Variants in ANK2 observed in about 807,000 individuals in gnomAD.
The protein encoded by ANK2 is ankyrin 2.
ANK2 carries 83 observed loss-of-function variants against 360.5 expected under a neutral mutation model. The observed-to-expected ratio is 0.23, with a 90% confidence interval of 0.19 to 0.28. The LOEUF is 0.28. ANK2 is among the 10% of genes least tolerant of loss of function. ANK2 has a pLI of 1.00. For synonymous variants in ANK2, 1,740 were observed against 1,759.5 expected (o/e 0.99, Z 0.28); for missense variants, 4,201 against 4,795.7 (o/e 0.88, Z 3.66).
chr4:112,754,111 G>GTATA, the ANK2 span, among the ~76,000 whole-genome samples: 1,138 of 111,324 alleles, frequency 0.01, 9 homozygotes, highest in South Asian at 0.017. Context: ...AAAAAAAAAA[G>GTATA]TATATATATA....
rs778418643 is a variant in ANK2, at chr4:113,232,136, G to A, written c.385-25G>A. The A allele has an allele frequency of 2.0e-6, 3 of 1,495,056 alleles. No individual in the cohort carries two copies. The Admixed American group carries it at 5.0e-5, about 25-fold the overall frequency. The allele number at this position is 1,495,056 out of a possible 1,614,324, so 92.6% of individuals were successfully genotyped here. A position where few individuals can be genotyped will look rare whatever the true frequency, so the allele number is the denominator to read the frequency against. ...CTCTCTTATACAAATGATTGAAGGTGTCTTTTTTTATTGCTTGTCCTCAGA... is the reference window on the plus strand; with the variant it reads ...CTCTCTTATACAAATGATTGAAGGTATCTTTTTTTATTGCTTGTCCTCAGA... On this transcript the variant is annotated intron_variant, in intron 4 of 45. Coordinates refer to ENST00000357077, the MANE Select transcript of ANK2 (RefSeq NM_001148.6).
chr4:113,178,601 A>G, intron 2 of ANK2, among the ~76,000 whole-genome samples: 1 of 151,978 alleles, frequency 6.6e-6, no homozygotes, highest in East Asian at 1.9e-4. Context: ...TCCCCAAAGT[A>G]AATGCAGTCT....
intron 24 of ANK2, among the ~76,000 whole-genome samples, chr4:113,314,429 G>A (rs538868369): frequency 6.8e-4 from 103 of 152,136 alleles, no homozygotes; most frequent in African/African-American, 1.6e-3. Flanking sequence ...CAGTTGTACC[G>A]TAGTAAAATA....
chr4:113,359,706 C>T (rs1233551791), intron 38 of ANK2, among the ~76,000 whole-genome samples: 2 of 152,130 alleles, frequency 1.3e-5, no homozygotes, highest in Middle Eastern at 3.2e-3. Context: ...CTTATCTTCG[C>T]ATACTTTAAA....
At chr4:112,879,293 T>C (rs2076079024) in intron 1 of ANK2, among the ~76,000 whole-genome samples, 2 of 152,160 alleles carry the variant, frequency 1.3e-5, no homozygotes, top group African/African-American at 4.8e-5. Flanking sequence ...ATAAATGATA[T>C]TGTGGCTTCT....
chr4:112,801,194 TG>T, the ANK2 span, among the ~76,000 whole-genome samples: 1 of 151,914 alleles, frequency 6.6e-6, no homozygotes, highest in East Asian at 1.9e-4. Context: ...GCTTATTTTT[TG>T]TGTGTGGGAT....
chr4:113,016,982 C>T (rs17680801), intron 2 of ANK2, among the ~76,000 whole-genome samples: 24,778 of 152,138 alleles, frequency 0.16, 2,681 homozygotes, highest in Non-Finnish European at 0.24. Flanking sequence ...GGTGAATTAC[C>T]GCTATCATCT....
At chr4:113,050,962 T>G (rs1480969681) in intron 1 of ANK2, among the ~76,000 whole-genome samples, 1 of 152,206 alleles carries the variant, frequency 6.6e-6, no homozygotes, top group African/African-American at 2.4e-5. Context: ...ATTTGTATGG[T>G]ATCATGCAAT....
At position 113,358,912 on chromosome 4, in the gene ANK2, G is replaced by T. The variant is rs1564065329; in HGVS notation, c.10294G>T (p.Ala3432Ser). The part of the protein sequence containing the change: ...EELELESEEG[A>S]TRPKILTSRL... ...ACTTGAGTTAGAATCAGAAGAAGGG[G>T]CCACAAGACCAAAGATACTTACATC... The change falls in exon 38 of 46, where the codon GCC (alanine) becomes TCC (serine). Residue 3432 changes from alanine (A) to serine (S), a missense_variant. Ala to Ser is a moderately conservative substitution (Grantham distance 99, BLOSUM62 1). Around this residue, in one of 4 missense-constraint regions of ANK2, gnomAD observed 2,642 missense variants for 2,714.5 expected, o/e 0.97. Coordinates refer to ENST00000357077, the MANE Select transcript of ANK2 (RefSeq NM_001148.6). 6.2e-7 allele frequency: 1 copy of T among 1,613,770 alleles called. No individual in the cohort carries two copies. Among genetic ancestry groups the T allele is most frequent in the African/African-American group, 1.3e-5 (1 of 74,966 alleles).
chr4:113,203,434 T>G (rs7696546), intron 4 of ANK2, among the ~76,000 whole-genome samples: 3,969 of 117,488 alleles, frequency 0.034, 159 homozygotes, highest in African/African-American at 0.11. Context: ...TATCTCTGAT[T>G]GCAAAAAAAA....
At chr4:113,379,749 A>G (rs939277634) in intron 45 of ANK2, among the ~76,000 whole-genome samples, 2 of 152,228 alleles carry the variant, frequency 1.3e-5, no homozygotes, top group East Asian at 3.8e-4. Flanking sequence ...AAAGGGGAGT[A>G]GAAGAACATA....
At chr4:112,863,185 G>A (rs1479824657) in intron 1 of ANK2, among the ~76,000 whole-genome samples, 1 of 151,988 alleles carries the variant, frequency 6.6e-6, no homozygotes, top group Non-Finnish European at 1.5e-5. Context: ...TAGTCAGTGT[G>A]ACTATAGTCA....
At chr4:113,332,092 T>G in intron 28 of ANK2, 22 bp downstream of exon 28, 1 of 1,581,870 alleles carries the variant, frequency 6.3e-7, no homozygotes, top group East Asian at 2.2e-5. Flanking sequence ...TTAAAACAAA[T>G]TGATGGCTGC....
intron 32 of ANK2, among the ~76,000 whole-genome samples, chr4:113,340,741 A>C (rs1433269304): frequency 6.6e-6 from 1 of 151,326 alleles, no homozygotes; most frequent in African/African-American, 2.4e-5. Flanking sequence ...AAACAAACAA[A>C]ATCTAGGACT....
chr4:113,298,065 G>C (rs1382562285), intron 22 of ANK2, among the ~76,000 whole-genome samples: 2 of 152,054 alleles, frequency 1.3e-5, no homozygotes, highest in Non-Finnish European at 2.9e-5. Flanking sequence ...AGCCCCTGCT[G>C]TGTATTTTCT....
At chr4:112,887,579 T>C (rs2078769229) in intron 1 of ANK2, among the ~76,000 whole-genome samples, 1 of 152,210 alleles carries the variant, frequency 6.6e-6, no homozygotes, top group African/African-American at 2.4e-5. Context: ...TCCCTGTTGT[T>C]TTAAAACCAT....
At chr4:112,963,217 G>A (rs1387134830) in intron 2 of ANK2, among the ~76,000 whole-genome samples, 1 of 152,168 alleles carries the variant, frequency 6.6e-6, no homozygotes, top group South Asian at 2.1e-4. Flanking sequence ...AAAGCCAAGT[G>A]TGTTTCCAAA....
intron 26 of ANK2, among the ~76,000 whole-genome samples, chr4:113,322,329 C>G (rs2153872037): frequency 6.6e-6 from 1 of 152,240 alleles, no homozygotes; most frequent in South Asian, 2.1e-4. Context: ...CAGCAAATAC[C>G]TGGCAAAAGA....
chr4:112,957,814 C>T (rs2031121963), intron 2 of ANK2, among the ~76,000 whole-genome samples: 1 of 148,168 alleles, frequency 6.7e-6, no homozygotes, highest in African/African-American at 2.6e-5. Context: ...GGCTGCCGGG[C>T]GGAGGGGCTC....
Sources: allele counts gnomAD v4.1 joint callset (sites outside exome capture counted in the v4.1 genomes callset), GRCh38; gene constraint gnomAD v4.1.1; regional missense constraint gnomAD v4.1.1; transcripts MANE v1.5; gene names NCBI Gene and HGNC (gene_info 2026-07-23, HGNC 2026-07-21).